SYN3: variants seen among roughly 807,000 people sequenced by gnomAD.
SYN3 encodes synapsin-3.
SYN3 carries 35 observed loss-of-function variants against 65.8 expected under a neutral mutation model. That is an observed-to-expected ratio of 0.53 (90% CI 0.41 to 0.70). The LOEUF is 0.70. SYN3 is among the 30% of genes least tolerant of loss of function. The probability of loss-of-function intolerance (pLI) is 0.00; values close to 1 mark genes in which losing one functional copy is unlikely to be tolerated. For synonymous variants in SYN3, 270 were observed against 292.9 expected, an observed-to-expected ratio of 0.92 and a Z score of 0.80; for missense variants, 680 against 749.0, an observed-to-expected ratio of 0.91 and a Z score of 1.08.
intron 1 of SYN3, among the ~76,000 whole-genome samples, chr22:33,007,415 C>T (rs1021626736): frequency 1.3e-5 from 2 of 151,894 alleles, no homozygotes; most frequent in African/African-American, 4.8e-5. Flanking sequence ...TTCTAATTTT[C>T]TAGAGTGCTT....
chr22:32,669,003 G>A (rs9621527), intron 6 of SYN3, among the ~76,000 whole-genome samples: 4,096 of 152,262 alleles, frequency 0.027, 186 homozygotes, highest in African/African-American at 0.092. Context: ...CATTTATTAA[G>A]CTCTTACTAT....
At chr22:32,589,579 G>C (rs2059100101) in intron 7 of SYN3, among the ~76,000 whole-genome samples, 1 of 152,120 alleles carries the variant, frequency 6.6e-6, no homozygotes. Flanking sequence ...TGCTCCAACT[G>C]TCCAGTGATG....
intron 9 of SYN3, 141 bp from the exon 10 acceptor site, chr22:32,534,036 G>C (rs1284938860): frequency 1.6e-6 from 1 of 607,048 alleles, no homozygotes; most frequent in Non-Finnish European, 3.0e-6. Context: ...GAGAGACAGA[G>C]AAGCAGCAAG....
intron 6 of SYN3, among the ~76,000 whole-genome samples, chr22:32,766,884 T>C (rs909972695): frequency 2.0e-5 from 3 of 152,218 alleles, no homozygotes; most frequent in Non-Finnish European, 4.4e-5. Flanking sequence ...CTCCAGATTA[T>C]AGAATTAAAT....
At chr22:32,618,142 C>A (rs2059545911) in intron 6 of SYN3, among the ~76,000 whole-genome samples, 1 of 152,126 alleles carries the variant, frequency 6.6e-6, no homozygotes. Flanking sequence ...AGGGCTCTCC[C>A]TAACCACTAA....
intron 6 of SYN3, among the ~76,000 whole-genome samples, chr22:32,709,342 A>T (rs1277264856): frequency 6.6e-6 from 1 of 152,274 alleles, no homozygotes; most frequent in East Asian, 1.9e-4. Flanking sequence ...ATCCAGCACC[A>T]AATCCCAATA....
chr22:32,632,362 G>C (rs1203300731), intron 6 of SYN3, among the ~76,000 whole-genome samples: 1 of 152,194 alleles, frequency 6.6e-6, no homozygotes, highest in Non-Finnish European at 1.5e-5. Context: ...TCCCAGCTCT[G>C]ATATTTACTT....
chr22:32,948,454 G>T (rs1406577685), intron 3 of SYN3, among the ~76,000 whole-genome samples: 1 of 152,050 alleles, frequency 6.6e-6, no homozygotes, highest in East Asian at 1.9e-4. Flanking sequence ...AAATCTCTTT[G>T]GGCCAGGCGC....
intron 4 of SYN3, among the ~76,000 whole-genome samples, chr22:32,921,646 A>G (rs2050336939): frequency 1.3e-5 from 2 of 152,212 alleles, no homozygotes; most frequent in African/African-American, 4.8e-5. Context: ...AATGAAATCA[A>G]TGACAATGAT....
At chr22:32,865,716 C>T (rs1002368151) in intron 5 of SYN3, among the ~76,000 whole-genome samples, 6 of 152,154 alleles carry the variant, frequency 3.9e-5, no homozygotes, top group Admixed American at 2.0e-4. Context: ...CTACTGTCTC[C>T]GGAGCTCAAA....
intron 6 of SYN3, among the ~76,000 whole-genome samples, chr22:32,748,260 T>A (rs75798685): frequency 1.8e-3 from 272 of 152,322 alleles, no homozygotes; most frequent in African/African-American, 6.3e-3. Context: ...CTTATAATTC[T>A]TCATTCAAGA....
chr22:32,610,291 C>T (rs182935177), intron 6 of SYN3, among the ~76,000 whole-genome samples: 4 of 151,816 alleles, frequency 2.6e-5, no homozygotes, highest in Non-Finnish European at 4.4e-5. Context: ...CCTGCCCCCC[C>T]CAAAAAAAGA....
At chr22:32,858,297 T>C (rs1402683495) in intron 6 of SYN3, among the ~76,000 whole-genome samples, 1 of 152,068 alleles carries the variant, frequency 6.6e-6, no homozygotes, top group East Asian at 1.9e-4. Flanking sequence ...TAGTAAGGAT[T>C]GTTGCCCCAG....
At chr22:32,663,588 A>G (rs1336710161) in intron 6 of SYN3, among the ~76,000 whole-genome samples, 1 of 151,886 alleles carries the variant, frequency 6.6e-6, no homozygotes, top group South Asian at 2.1e-4. Flanking sequence ...ATGAGCCACC[A>G]CGCCCAGCCT....
intron 1 of SYN3, among the ~76,000 whole-genome samples, chr22:33,042,813 G>C (rs891170854): frequency 6.6e-6 from 1 of 152,164 alleles, no homozygotes; most frequent in Non-Finnish European, 1.5e-5. Flanking sequence ...GGTTAGAACT[G>C]AGCAGCTCTC....
At chr22:33,042,728 C>T (rs1413575862) in intron 1 of SYN3, among the ~76,000 whole-genome samples, 1 of 152,142 alleles carries the variant, frequency 6.6e-6, no homozygotes, top group Non-Finnish European at 1.5e-5. Context: ...CCTGGAGCCC[C>T]CCGCCACCCA....
chr22:32,875,070 A>G (rs973401760), intron 4 of SYN3, among the ~76,000 whole-genome samples: 4 of 152,182 alleles, frequency 2.6e-5, no homozygotes, highest in Non-Finnish European at 4.4e-5. Context: ...GGACTTTGGG[A>G]ATTAGTGATG....
intron 6 of SYN3, among the ~76,000 whole-genome samples, chr22:32,771,106 T>G (rs2045758580): frequency 6.6e-6 from 1 of 152,092 alleles, no homozygotes; most frequent in Non-Finnish European, 1.5e-5. Flanking sequence ...CCCCTCCCTG[T>G]GTCCATGTGT....
chr22:32,806,147 G>C (rs1356135079), intron 6 of SYN3, among the ~76,000 whole-genome samples: 1 of 151,990 alleles, frequency 6.6e-6, no homozygotes, highest in Non-Finnish European at 1.5e-5. Context: ...ATCAGTTAGG[G>C]CTCCCCAGTG....
Sources: gnomAD v4.1 joint callset for allele counts (sites outside exome capture counted in the v4.1 genomes callset) on GRCh38, gnomAD v4.1.1 for gene constraint, MANE v1.5 for transcripts, NCBI Gene and HGNC (gene_info 2026-07-23, HGNC 2026-07-21) for gene names.